STK32B: variants seen among roughly 807,000 people sequenced by gnomAD.
The protein encoded by STK32B is serine/threonine-protein kinase 32B.
A neutral mutation model predicts 52.6 loss-of-function variants in STK32B; 43 were observed. That is an observed-to-expected ratio of 0.82 (90% CI 0.64 to 1.05). STK32B has a LOEUF of 1.05. STK32B is among the 50% of genes least tolerant of loss of function. The pLI is 0.00. For missense variants in STK32B, 621 were observed against 534.6 expected, an observed-to-expected ratio of 1.16 and a Z score of -1.59; for synonymous variants, 238 against 204.3, an observed-to-expected ratio of 1.17 and a Z score of -1.41.
In STK32B at chr4:5,252,030, A is replaced by C. The variant is rs190588118; in HGVS notation, c.261-79190A>C. On this transcript the variant is annotated intron_variant, in intron 3 of 11. Transcript: ENST00000282908. Reference sequence around the variant, plus strand: ...ATGTTAAGAAGTTCATATTCCTTGAACTTTTCCAACCTGAAGATCCCCCAA... The same window carrying C: ...ATGTTAAGAAGTTCATATTCCTTGACCTTTTCCAACCTGAAGATCCCCCAA... Among the ~76,000 whole-genome samples, 201 of 152,258 alleles carry C rather than the reference A, an allele frequency of 1.3e-3. 1 individual carries two copies. Among genetic ancestry groups the C allele is most frequent in the Admixed American group, 7.6e-3 (116 of 15,298 alleles).
chr4:5,476,992 A>G (rs1387736516), intron 11 of STK32B, among the ~76,000 whole-genome samples: 1 of 152,070 alleles, frequency 6.6e-6, no homozygotes, highest in Non-Finnish European at 1.5e-5. Context: ...GGCCCAGCCA[A>G]CACCTTGATT....
intron 3 of STK32B, among the ~76,000 whole-genome samples, chr4:5,255,464 A>G (rs573566276): frequency 4.6e-5 from 7 of 152,236 alleles, no homozygotes; most frequent in African/African-American, 1.4e-4. Context: ...AGCAAAGTGA[A>G]TTGGTCTTAA....
chr4:5,425,342 T>C (rs548115316), intron 6 of STK32B, among the ~76,000 whole-genome samples: 1 of 152,316 alleles, frequency 6.6e-6, no homozygotes, highest in African/African-American at 2.4e-5. Flanking sequence ...TGTGCACTCT[T>C]TGTAGATATT....
At position 5,395,110 on chromosome 4, in the gene STK32B, G is replaced by A. The variant is rs940207606; in HGVS notation, c.435-3097G>A. Reference sequence around the variant, plus strand: ...GTTTTCTTGCTACATATAGGCCAGCGGTCACTCTTCCTCCCAGGGACAGCT... The same window carrying A: ...GTTTTCTTGCTACATATAGGCCAGCAGTCACTCTTCCTCCCAGGGACAGCT... On this transcript the variant is annotated intron_variant, in intron 4 of 11. Transcript: ENST00000282908. This position sits in a 1 kb window ranked among gnomAD's most constrained non-coding sequence, Gnocchi z 4.4. Among the ~76,000 whole-genome samples, 13 of 152,028 alleles carry A rather than the reference G, an allele frequency of 8.6e-5. No homozygotes were observed. Among genetic ancestry groups the A allele is most frequent in the South Asian group, 2.1e-4 (1 of 4,812 alleles).
intron 3 of STK32B, chr4:5,204,276 G>A (rs951588424): frequency 6.6e-6 from 1 of 152,488 alleles, no homozygotes. Flanking sequence ...TTGAACATGT[G>A]TTCTGTGCTG....
chr4:5,024,188 C>T, the STK32B span, among the ~76,000 whole-genome samples: 1 of 152,154 alleles, frequency 6.6e-6, no homozygotes, highest in African/African-American at 2.4e-5. Flanking sequence ...CCAGATGTTA[C>T]TGTGATGGTA....
chr4:5,294,812 G>A (rs1350946389), intron 3 of STK32B, among the ~76,000 whole-genome samples: 3 of 152,114 alleles, frequency 2.0e-5, no homozygotes, highest in South Asian at 2.1e-4. Flanking sequence ...ATGCTGTGTT[G>A]TATAGGAGTG....
intron 3 of STK32B, among the ~76,000 whole-genome samples, chr4:5,175,686 G>T (rs1719815514): frequency 6.6e-6 from 1 of 152,090 alleles, no homozygotes. Context: ...GGAGTACCCG[G>T]CCGTGTGAGG....
At chr4:5,381,503 G>A (rs1471275926) in intron 4 of STK32B, among the ~76,000 whole-genome samples, 1 of 152,232 alleles carries the variant, frequency 6.6e-6, no homozygotes, top group Admixed American at 6.5e-5. Flanking sequence ...TCGATTGAAT[G>A]AGATCATGCC....
rs1282392058 is a variant in STK32B, at chr4:5,140,256, T to G, written c.108+296T>G. On this transcript the variant is annotated intron_variant, in intron 2 of 11. Coordinates refer to ENST00000282908, the MANE Select transcript of STK32B (RefSeq NM_018401.3). The stretch of plus-strand genomic sequence containing the variant: ...GTGAGGAAAGTTGAAAAAAAACCCA[T>G]AAACATCACAAAGGCAGCTCTTTCC... 4.2e-6 allele frequency: 6 copies of G among 1,416,094 alleles called. No individual in the cohort carries two copies. In the Admixed American group the frequency reaches 1.1e-4, roughly 25 times the overall value. 87.7% of individuals were successfully genotyped at this position (1,416,094 alleles called of 1,614,324 possible).
rs1276483273 is a variant in STK32B, at chr4:5,386,673, A to G, written c.435-11534A>G. On this transcript the variant is annotated intron_variant, in intron 4 of 11. Coordinates refer to ENST00000282908, the MANE Select transcript of STK32B (RefSeq NM_018401.3). The surrounding 1 kb of genome is among the most constrained non-coding windows in gnomAD (Gnocchi z 4.5). ...CAAGAGTCAGGAAAGCAAATTTCAA[A>G]TCCCAGCTCTGGCACTAATTTCCCA... 6.6e-6 allele frequency among the ~76,000 whole-genome samples: 1 copy of G among 152,174 alleles called. No individual in the cohort carries two copies. The highest frequency in any genetic ancestry group is 1.5e-5 in the Non-Finnish European group (1 of 68,018).
intron 3 of STK32B, among the ~76,000 whole-genome samples, chr4:5,210,835 C>T (rs1403140960): frequency 6.6e-6 from 1 of 150,558 alleles, no homozygotes; most frequent in Non-Finnish European, 1.5e-5. Flanking sequence ...TCCCTCTATG[C>T]CCCAGGCTGG....
intron 3 of STK32B, among the ~76,000 whole-genome samples, chr4:5,310,566 G>C (rs1730227224): frequency 6.6e-6 from 1 of 152,030 alleles, no homozygotes; most frequent in Admixed American, 6.6e-5. Context: ...GGAGAAAAGG[G>C]AACTCTAGCA....
At chr4:5,441,679 C>A (rs1414751907) in intron 6 of STK32B, among the ~76,000 whole-genome samples, 2 of 151,986 alleles carry the variant, frequency 1.3e-5, no homozygotes, top group African/African-American at 2.4e-5. Flanking sequence ...TTCTGTAGTT[C>A]TTTTAATTGT....
intron 3 of STK32B, among the ~76,000 whole-genome samples, chr4:5,214,663 A>G (rs1170788395): frequency 6.6e-6 from 1 of 152,250 alleles, no homozygotes; most frequent in Non-Finnish European, 1.5e-5. Context: ...AAGAAGTTAA[A>G]AATCACTCAT....
At chr4:5,159,513 T>C (rs999737233) in intron 2 of STK32B, among the ~76,000 whole-genome samples, 6 of 143,494 alleles carry the variant, frequency 4.2e-5, no homozygotes, top group African/African-American at 1.5e-4. Flanking sequence ...TGAATATATA[T>C]ATGAATATAT....
intron 3 of STK32B, among the ~76,000 whole-genome samples, chr4:5,318,694 T>C (rs940635877): frequency 9.2e-5 from 14 of 152,166 alleles, no homozygotes; most frequent in Non-Finnish European, 7.4e-5. Flanking sequence ...AAAGCACATT[T>C]GACTAACTCC....
At chr4:5,217,932 T>C (rs562941673) in intron 3 of STK32B, among the ~76,000 whole-genome samples, 1 of 152,340 alleles carries the variant, frequency 6.6e-6, no homozygotes, top group South Asian at 2.1e-4. Flanking sequence ...CACAGGATTT[T>C]GACACATAAT....
chr4:5,371,230 C>A (rs1735221422), intron 4 of STK32B, among the ~76,000 whole-genome samples: 1 of 151,882 alleles, frequency 6.6e-6, no homozygotes, highest in Non-Finnish European at 1.5e-5. Context: ...TGGAAAATGA[C>A]TAAGAGGAGA....
Sources: gnomAD v4.1 joint callset for allele counts (sites outside exome capture counted in the v4.1 genomes callset) on GRCh38, gnomAD v4.1.1 for gene constraint, Gnocchi (gnomAD v3.1) non-coding constraint, MANE v1.5 for transcripts, NCBI Gene and HGNC (gene_info 2026-07-23, HGNC 2026-07-21) for gene names.